The following MAPK10 variants were observed in gnomAD, a reference collection of about 807,000 sequenced individuals.
MAPK10 encodes mitogen-activated protein kinase 10, also known as JNK3 alpha protein kinase.
A neutral mutation model predicts 59.3 loss-of-function variants in MAPK10; 25 were observed. That is an observed-to-expected ratio of 0.42 (90% CI 0.31 to 0.59). The LOEUF (loss-of-function observed/expected upper bound fraction) is 0.59. Ranked by LOEUF, MAPK10 falls within the 20% of genes least tolerant of loss-of-function variation. The pLI is 0.15. For missense variants in MAPK10, 351 were observed against 568.9 expected, an observed-to-expected ratio of 0.62 and a Z score of 3.90; for synonymous variants, 190 against 200.5, an observed-to-expected ratio of 0.95 and a Z score of 0.44.
chr4:86,135,592 CAG>C (rs1237059135), intron 4 of MAPK10, among the ~76,000 whole-genome samples: 1 of 152,148 alleles, frequency 6.6e-6, no homozygotes, highest in Non-Finnish European at 1.5e-5. Flanking sequence ...GGGGAAAAAA[CAG>C]AACAGAAAAA....
At chr4:86,499,475 C>G (rs944301810) in intron 1 of MAPK10, among the ~76,000 whole-genome samples, 4 of 152,176 alleles carry the variant, frequency 2.6e-5, no homozygotes, top group African/African-American at 9.7e-5. Flanking sequence ...CAGGGCCACA[C>G]ATACACACCC....
intron 1 of MAPK10, among the ~76,000 whole-genome samples, chr4:86,515,707 G>GT (rs535476910): frequency 9.1e-4 from 139 of 151,952 alleles, no homozygotes; most frequent in African/African-American, 3.2e-3. Context: ...TTGCTGATTT[G>GT]TTTGAGTTCC....
intron 4 of MAPK10, among the ~76,000 whole-genome samples, chr4:86,130,325 T>C (rs2060776013): frequency 6.6e-6 from 1 of 152,152 alleles, no homozygotes; most frequent in Admixed American, 6.6e-5. Context: ...ATAAACCATG[T>C]CATGTGTTAT....
At chr4:86,441,710 A>G (rs944964706) in intron 1 of MAPK10, among the ~76,000 whole-genome samples, 12 of 152,180 alleles carry the variant, frequency 7.9e-5, no homozygotes, top group African/African-American at 2.9e-4. Context: ...AAAAACATGG[A>G]CTAGGCTGTC....
intron 9 of MAPK10, among the ~76,000 whole-genome samples, chr4:86,093,147 A>G (rs188409820): frequency 2.2e-3 from 339 of 152,100 alleles, no homozygotes; most frequent in Non-Finnish European, 4.0e-3. Context: ...AAAGAACTAT[A>G]TTGCTACTTC....
chr4:86,422,199 C>T (rs1746623570), intron 1 of MAPK10, among the ~76,000 whole-genome samples: 1 of 152,132 alleles, frequency 6.6e-6, no homozygotes, highest in African/African-American at 2.4e-5. Flanking sequence ...AAGGGCAAGG[C>T]CTCACCTGTC....
intron 11 of MAPK10, among the ~76,000 whole-genome samples, chr4:86,062,690 TA>T (rs1019292674): frequency 6.6e-6 from 1 of 152,090 alleles, no homozygotes; most frequent in African/African-American, 2.4e-5. Context: ...CATATTTATA[TA>T]AAATGTTTAT....
intron 4 of MAPK10, among the ~76,000 whole-genome samples, chr4:86,156,238 T>C (rs2149220385): frequency 6.6e-6 from 1 of 152,212 alleles, no homozygotes; most frequent in Non-Finnish European, 1.5e-5. Flanking sequence ...TATGATTATT[T>C]CAACTTTAAT....
intron 3 of MAPK10, chr4:86,171,047 C>T (rs1364048725): frequency 6.6e-6 from 1 of 152,018 alleles, no homozygotes; most frequent in Non-Finnish European, 1.5e-5. Context: ...ACACAACATA[C>T]CGGAATCTCT....
chr4:86,026,840 C>T (rs934079303), intron 13 of MAPK10: 5 of 152,090 alleles, frequency 3.3e-5, no homozygotes, highest in African/African-American at 1.2e-4. Flanking sequence ...TTATTATACA[C>T]ACAAAAACGC....
chr4:86,490,378 G>T (rs2149074957), intron 1 of MAPK10, among the ~76,000 whole-genome samples: 1 of 152,242 alleles, frequency 6.6e-6, no homozygotes, highest in South Asian at 2.1e-4. Context: ...GTCCAGGGAG[G>T]GCATCCTGGT....
At chr4:86,322,134 A>G (rs913850091) in intron 2 of MAPK10, 4 of 152,222 alleles carry the variant, frequency 2.6e-5, no homozygotes, top group Non-Finnish European at 5.9e-5. Flanking sequence ...ATAGCCCCAA[A>G]TTAGTGCACA....
At chr4:86,325,769 T>C (rs888452389) in intron 2 of MAPK10, 9 of 152,318 alleles carry the variant, frequency 5.9e-5, no homozygotes, top group Non-Finnish European at 1.3e-4. Context: ...AAATGACTTA[T>C]AATAGTAATA....
chr4:86,553,398 G>A (rs1760009811), intron 1 of MAPK10, among the ~76,000 whole-genome samples: 1 of 152,152 alleles, frequency 6.6e-6, no homozygotes, highest in Admixed American at 6.5e-5. Context: ...TGGATCATCT[G>A]AAAACTTTGA....
chr4:86,304,453 C>T (rs1457129719), intron 2 of MAPK10, among the ~76,000 whole-genome samples: 2 of 137,366 alleles, frequency 1.5e-5, no homozygotes, highest in African/African-American at 5.7e-5. Flanking sequence ...ATTGCAGTGG[C>T]GCAATCTCGG....
At chr4:86,114,019 G>C (rs140471554) in intron 4 of MAPK10, among the ~76,000 whole-genome samples, 340 of 152,250 alleles carry the variant, frequency 2.2e-3, no homozygotes, top group Non-Finnish European at 3.6e-3. Flanking sequence ...ATTGATACTT[G>C]TGGTTAAATT....
At chr4:86,034,946 C>T (rs1365370104) in intron 11 of MAPK10, among the ~76,000 whole-genome samples, 2 of 151,972 alleles carry the variant, frequency 1.3e-5, no homozygotes, top group African/African-American at 4.8e-5. Flanking sequence ...ATGTGTTTCT[C>T]TGTGTGTACA....
intron 2 of MAPK10, among the ~76,000 whole-genome samples, chr4:86,232,577 C>T (rs2091721131): frequency 6.6e-6 from 1 of 152,018 alleles, no homozygotes; most frequent in Non-Finnish European, 1.5e-5. Flanking sequence ...GTTTCACCAT[C>T]TTAGCCAGGA....
At chr4:86,171,773 C>T (rs1268119517) in intron 3 of MAPK10, among the ~76,000 whole-genome samples, 1 of 151,198 alleles carries the variant, frequency 6.6e-6, no homozygotes, top group African/African-American at 2.5e-5. Flanking sequence ...AAGAAACTAC[C>T]ATCAGAGTGA....
Sources: gnomAD v4.1 joint callset for allele counts (sites outside exome capture counted in the v4.1 genomes callset) on GRCh38, gnomAD v4.1.1 for gene constraint, MANE v1.5 for transcripts, NCBI Gene and HGNC (gene_info 2026-07-23, HGNC 2026-07-21) for gene names.